Variants in CCBE1 observed in about 807,000 individuals in gnomAD.
CCBE1 encodes the protein collagen and calcium binding EGF domains 1.
In CCBE1, 37 loss-of-function variants were observed where a neutral mutation model predicts 50.0. The ratio of observed to expected loss-of-function variants is 0.74; its 90% CI spans 0.57 to 0.97. The LOEUF (loss-of-function observed/expected upper bound fraction) is 0.97, where lower values mean the gene tolerates loss of function less well. Among genes scored for constraint, CCBE1 ranks in the 50% least tolerant of loss-of-function variants. CCBE1 has a pLI of 0.00. For synonymous variants in CCBE1, 234 were observed against 203.7 expected (o/e 1.15, Z -1.27); for missense variants, 538 against 523.8 (o/e 1.03, Z -0.26).
rs140646788 is a variant in CCBE1 at position 59,453,631 on chromosome 18, G to T, written c.654+1220C>A. Among the ~76,000 whole-genome samples the T allele has an allele frequency of 2.7e-4, 41 of 152,228 alleles. No individual in the cohort carries two copies. The East Asian group carries it at 7.1e-3, about 27-fold the overall frequency. ...ATTAGGGGCTGGCTGCATGTTTGTT[G>T]AACATGGGAAAGAGATACCATCTCA... On this transcript the variant is annotated intron_variant, in intron 6 of 10. Coordinates refer to ENST00000439986, the MANE Select transcript of CCBE1 (RefSeq NM_133459.4).
rs939233054 is a variant in CCBE1, at chr18:59,669,395, G to T, written c.212+27234C>A. ...TCGTTTTCCTTTCCCTGGAAAGAGG[G>T]TTCTGACCAACAGCTCCTTGGCTTC... On this transcript the variant is annotated intron_variant, in intron 2 of 10. Transcript: ENST00000439986. 2.0e-5 allele frequency among the ~76,000 whole-genome samples: 3 copies of T among 152,184 alleles called. No homozygotes were observed. In the South Asian group the frequency reaches 6.2e-4, roughly 32 times the overall value.
At chr18:59,695,435 C>A (rs962252271) in intron 2 of CCBE1, among the ~76,000 whole-genome samples, 3 of 152,150 alleles carry the variant, frequency 2.0e-5, no homozygotes, top group African/African-American at 4.8e-5. Flanking sequence ...ATTCACCCCC[C>A]GCACACGCCA....
chr18:59,508,455 GAT>G (rs1487576776), intron 2 of CCBE1, among the ~76,000 whole-genome samples: 2 of 151,916 alleles, frequency 1.3e-5, no homozygotes, highest in East Asian at 4.0e-4. Flanking sequence ...AAATTAGCCA[GAT>G]ATGGTGGCAC....
chr18:59,577,177 G>T (rs1443665483), intron 2 of CCBE1, among the ~76,000 whole-genome samples: 1 of 152,176 alleles, frequency 6.6e-6, no homozygotes, highest in Non-Finnish European at 1.5e-5. Context: ...AAGGGATGGC[G>T]AAGGTTGAGA....
intron 2 of CCBE1, among the ~76,000 whole-genome samples, chr18:59,536,342 C>T (rs564757240): frequency 6.6e-6 from 1 of 152,152 alleles, no homozygotes; most frequent in East Asian, 1.9e-4. Context: ...TTTCCCTGGG[C>T]TCTCTCTCCT....
At chr18:59,657,288 G>A (rs947923249) in intron 2 of CCBE1, among the ~76,000 whole-genome samples, 2 of 152,192 alleles carry the variant, frequency 1.3e-5, no homozygotes, top group African/African-American at 4.8e-5. Context: ...ACGGAGAGGT[G>A]GTTCCACAGT....
intron 4 of CCBE1, among the ~76,000 whole-genome samples, chr18:59,469,057 G>A (rs543813358): frequency 3.5e-4 from 54 of 152,320 alleles, no homozygotes; most frequent in Admixed American, 3.5e-3. Flanking sequence ...CCAGGTGGCT[G>A]GCTTCAGCTC....
intron 2 of CCBE1, among the ~76,000 whole-genome samples, chr18:59,585,207 T>C (rs146238265): frequency 1.4e-3 from 209 of 152,196 alleles, no homozygotes; most frequent in African/African-American, 4.6e-3. Flanking sequence ...GTGTCATCTG[T>C]TACAGGCAAC....
chr18:59,562,372 T>C (rs990199164), intron 2 of CCBE1, among the ~76,000 whole-genome samples: 16 of 152,044 alleles, frequency 1.1e-4, no homozygotes, highest in African/African-American at 3.4e-4. Context: ...AGGAGGGTAA[T>C]CCTCTCCCAC....
At chr18:59,575,389 G>A (rs775115963) in intron 2 of CCBE1, among the ~76,000 whole-genome samples, 11 of 152,170 alleles carry the variant, frequency 7.2e-5, no homozygotes, top group Non-Finnish European at 1.3e-4. Context: ...AGGGGAAAGT[G>A]CACTTTTCTA....
At position 59,683,699 on chromosome 18, in the gene CCBE1, AAAAAAGAGAGGAAAGAAAGG is replaced by A. The variant is rs571913554; in HGVS notation, c.212+12910_212+12929del. 9.6e-3 allele frequency among the ~76,000 whole-genome samples: 1,455 copies of A among 151,732 alleles called. 23 individuals carry two copies. Among genetic ancestry groups the A allele is most frequent in the African/African-American group, 0.034 (1,408 of 41,414 alleles). On this transcript the variant is annotated intron_variant, in intron 2 of 10. Coordinates refer to ENST00000439986, the MANE Select transcript of CCBE1 (RefSeq NM_133459.4). ...GGTGACAGAGTGAGACTCCATCTCA[AAAAAAGAGAGGAAAGAAAGG>A]AAAAAGAAAGGAAAGAAAGCAAGCC... is the stretch of plus-strand genomic sequence containing the variant.
chr18:59,452,184 G>C (rs563197821), intron 6 of CCBE1, among the ~76,000 whole-genome samples: 3 of 152,274 alleles, frequency 2.0e-5, no homozygotes, highest in African/African-American at 7.2e-5. Flanking sequence ...CATGCTGTGG[G>C]GTTGGCCATG....
At chr18:59,605,521 T>G (rs1285513504) in intron 2 of CCBE1, among the ~76,000 whole-genome samples, 1 of 152,160 alleles carries the variant, frequency 6.6e-6, no homozygotes, top group Non-Finnish European at 1.5e-5. Context: ...AACTCTTAGG[T>G]TGGCCAGCAT....
chr18:59,601,278 C>G (rs917460494), intron 2 of CCBE1, among the ~76,000 whole-genome samples: 26 of 151,894 alleles, frequency 1.7e-4, no homozygotes, highest in African/African-American at 6.3e-4. Flanking sequence ...TTGTAGCTCC[C>G]ATAATCCCCA....
intron 2 of CCBE1, among the ~76,000 whole-genome samples, chr18:59,523,559 T>C (rs371750390): frequency 2.0e-5 from 3 of 152,170 alleles, no homozygotes; most frequent in African/African-American, 7.2e-5. Flanking sequence ...GTTCACTAAA[T>C]AGCAGCTATC....
At chr18:59,548,203 G>C (rs532996537) in intron 2 of CCBE1, among the ~76,000 whole-genome samples, 5 of 152,176 alleles carry the variant, frequency 3.3e-5, no homozygotes, top group Non-Finnish European at 5.9e-5. Context: ...TTGGGGCCAA[G>C]ACTATGCCCC....
intron 4 of CCBE1, 100 bp from the exon 5 acceptor site, chr18:59,466,991 G>C (rs1326815812): frequency 9.2e-7 from 1 of 1,084,734 alleles, no homozygotes; most frequent in Non-Finnish European, 1.4e-6. Context: ...AACAATGAAG[G>C]ACACTTGGGC....
chr18:59,606,076 A>G (rs77547223), intron 2 of CCBE1, among the ~76,000 whole-genome samples: 6,604 of 152,306 alleles, frequency 0.043, 383 homozygotes, highest in African/African-American at 0.13. Flanking sequence ...CATTTACCCC[A>G]AAGTTTAATG....
intron 2 of CCBE1, among the ~76,000 whole-genome samples, chr18:59,666,665 C>T (rs189458675): frequency 1.3e-5 from 2 of 152,172 alleles, no homozygotes; most frequent in African/African-American, 4.8e-5. Context: ...ATACAAGGCA[C>T]ATTTTTAAAG....
Sources: gnomAD v4.1 joint callset for allele counts (sites outside exome capture counted in the v4.1 genomes callset) on GRCh38, gnomAD v4.1.1 for gene constraint, MANE v1.5 for transcripts, NCBI Gene and HGNC (gene_info 2026-07-23, HGNC 2026-07-21) for gene names.